Variants in MSN observed in about 807,000 individuals in gnomAD.
MSN encodes moesin.
MSN carries 2 observed loss-of-function variants against 48.0 expected under a neutral mutation model. The ratio of observed to expected loss-of-function variants is 0.04; its 90% CI spans 0.02 to 0.13. The LOEUF is 0.13. Among genes scored for constraint, MSN ranks in the 10% least tolerant of loss-of-function variants. The pLI, the probability that MSN is intolerant of heterozygous loss-of-function variation, is 1.00. For missense variants in MSN, 267 were observed against 470.1 expected, an observed-to-expected ratio of 0.57 and a Z score of 3.99; for synonymous variants, 146 against 166.9, an observed-to-expected ratio of 0.87 and a Z score of 0.97.
chrX:65,657,835 T>A (rs1208266041), intron 1 of MSN, among the ~76,000 whole-genome samples: 1 of 111,776 alleles, frequency 8.9e-6, no homozygotes, highest in African/African-American at 3.3e-5. Context: ...TTCAGGCTGA[T>A]GGGATGAAGG....
intron 1 of MSN, among the ~76,000 whole-genome samples, chrX:65,616,147 C>T (rs1322706284): frequency 5.4e-5 from 6 of 111,630 alleles, no homozygotes; most frequent in African/African-American, 2.0e-4. Flanking sequence ...TGTGATGCCT[C>T]TAGCTTTGTT....
intron 1 of MSN, among the ~76,000 whole-genome samples, chrX:65,701,227 T>C (rs1334092248): frequency 1.8e-5 from 2 of 111,929 alleles, no homozygotes; most frequent in Admixed American, 9.5e-5. Flanking sequence ...TGCTGAAGTA[T>C]CTGAACTGTC....
intron 1 of MSN, among the ~76,000 whole-genome samples, chrX:65,658,341 G>A (rs989096604): frequency 4.5e-5 from 5 of 111,457 alleles, no homozygotes; most frequent in African/African-American, 1.3e-4. Flanking sequence ...CAGAGTGTGG[G>A]GCCCCAAGCT....
At chrX:65,626,010 A>G (rs1244755105) in intron 1 of MSN, 1 of 93,567 alleles carries the variant, frequency 1.1e-5, no homozygotes, top group African/African-American at 4.3e-5. Context: ...GCTGGAGTGC[A>G]GTGGTGCAAT....
chrX:65,675,335 T>A lies in MSN; in HGVS notation c.12+7482T>A, dbSNP rs16989678. Among the ~76,000 whole-genome samples the A allele has an allele frequency of 4.6e-3, 509 of 111,565 alleles. 4 individuals carry two copies. The highest frequency in any genetic ancestry group is 0.016 in the African/African-American group (489 of 30,718). ...AACTTTTTGAGGAGAAAGGGTTTACTGGGACATGAACAGGGCCTTAAAGGG... is the reference window on the plus strand; with the variant it reads ...AACTTTTTGAGGAGAAAGGGTTTACAGGGACATGAACAGGGCCTTAAAGGG... On this transcript the variant is annotated intron_variant, in intron 1 of 12. Coordinates refer to ENST00000360270, the MANE Select transcript of MSN (RefSeq NM_002444.3).
intron 1 of MSN, among the ~76,000 whole-genome samples, chrX:65,676,955 G>A (rs1246562047): frequency 1.8e-5 from 2 of 110,365 alleles, no homozygotes; most frequent in Non-Finnish European, 3.8e-5. Flanking sequence ...CACCCAAGTA[G>A]CTGGGACTAC....
intron 1 of MSN, among the ~76,000 whole-genome samples, chrX:65,649,936 G>T (rs757495931): frequency 9.3e-5 from 10 of 107,198 alleles, no homozygotes; most frequent in Non-Finnish European, 1.9e-4. Flanking sequence ...TCCAGAAAAG[G>T]TTCTGGAATG....
chrX:65,730,176 A>C (rs1392615105), intron 4 of MSN, among the ~76,000 whole-genome samples: 1 of 112,241 alleles, frequency 8.9e-6, no homozygotes, highest in East Asian at 2.8e-4. Context: ...TTCAAAGTCA[A>C]AAGCTCTAAA....
intron 1 of MSN, among the ~76,000 whole-genome samples, chrX:65,712,171 G>T (rs1250037136): frequency 9.0e-6 from 1 of 111,130 alleles, no homozygotes; most frequent in African/African-American, 3.3e-5. Context: ...CCTAGGGTAG[G>T]ACCAAATCAA....
At chrX:65,599,034 C>A (rs1476399687) in intron 1 of MSN, among the ~76,000 whole-genome samples, 1 of 111,170 alleles carries the variant, frequency 9.0e-6, no homozygotes, top group Admixed American at 9.6e-5. Flanking sequence ...CGCCGGTAAT[C>A]CCGGCACTTT....
chrX:65,663,730 G>A (rs1003642331), upstream of MSN, among the ~76,000 whole-genome samples: 7 of 111,287 alleles, frequency 6.3e-5, no homozygotes, highest in African/African-American at 2.3e-4. Context: ...ATCAATGGTT[G>A]ACTGGATAAA....
chrX:65,682,105 C>A (rs1004191064), intron 1 of MSN, among the ~76,000 whole-genome samples: 2 of 111,595 alleles, frequency 1.8e-5, no homozygotes, highest in African/African-American at 6.5e-5. Flanking sequence ...GGTTTCTTAA[C>A]ATCCCTTTAG....
intron 1 of MSN, among the ~76,000 whole-genome samples, chrX:65,627,812 C>T (rs2070520350): frequency 8.9e-6 from 1 of 112,064 alleles, no homozygotes; most frequent in Non-Finnish European, 1.9e-5. Context: ...TAAGCCTGTA[C>T]AATCAAAGGC....
At chrX:65,599,834 G>C (rs551332231) in intron 1 of MSN, among the ~76,000 whole-genome samples, 1 of 110,979 alleles carries the variant, frequency 9.0e-6, no homozygotes, top group South Asian at 3.8e-4. Context: ...CAGGTGTCTG[G>C]GTTGGCTTGT....
chrX:65,705,374 T>C (rs952371969), intron 1 of MSN, among the ~76,000 whole-genome samples: 10 of 111,720 alleles, frequency 9.0e-5, no homozygotes, highest in Non-Finnish European at 1.1e-4. Flanking sequence ...TCAGCCCATG[T>C]GCCTAAGAAG....
chrX:65,592,709 G>A (rs138432488), intron 1 of MSN, among the ~76,000 whole-genome samples: 81 of 110,815 alleles, frequency 7.3e-4, no homozygotes, highest in African/African-American at 2.6e-3. Context: ...GGGATTTTTG[G>A]CAACAATCGG....
chrX:65,619,216 G>A lies in MSN; in HGVS notation c.-22+30604G>A, dbSNP rs1018628371. Among the ~76,000 whole-genome samples the A allele has an allele frequency of 8.7e-5, 9 of 103,242 alleles. No homozygotes were observed. In the East Asian group the frequency reaches 2.3e-3, roughly 27 times the overall value. 89.7% of individuals were successfully genotyped at this position (103,242 alleles called of 115,157 possible). On this transcript the variant is annotated intron_variant, in intron 1 of 3. Transcript: ENST00000609672. ...GTTGCTCTTCTCGAGGAGTATCTTC[G>A]TGGCATTCTCTGTATTTCCTGAATC...
At chrX:65,713,404 A>G (rs1211787113) in intron 1 of MSN, among the ~76,000 whole-genome samples, 1 of 111,336 alleles carries the variant, frequency 9.0e-6, no homozygotes, top group East Asian at 2.8e-4. Flanking sequence ...AGACATAAAT[A>G]TAGGAAGCAT....
intron 1 of MSN, among the ~76,000 whole-genome samples, chrX:65,595,957 C>T (rs778412052): frequency 5.4e-5 from 6 of 111,420 alleles, no homozygotes; most frequent in East Asian, 2.8e-4. Context: ...ACTGAGGCCC[C>T]GGAAAGAAGT....
Sources: allele counts gnomAD v4.1 joint callset (sites outside exome capture counted in the v4.1 genomes callset), GRCh38; gene constraint gnomAD v4.1.1; transcripts MANE v1.5; gene names NCBI Gene and HGNC (gene_info 2026-07-23, HGNC 2026-07-21).